The following KDM7A variants were observed in gnomAD, a reference collection of about 807,000 sequenced individuals.
The protein encoded by KDM7A is lysine-specific demethylase 7A.
KDM7A carries 28 observed loss-of-function variants against 114.8 expected under a neutral mutation model. The ratio of observed to expected loss-of-function variants is 0.24; its 90% CI spans 0.18 to 0.33. The LOEUF (loss-of-function observed/expected upper bound fraction) is 0.33. Ranked by LOEUF, KDM7A falls within the 10% of genes least tolerant of loss-of-function variation. The pLI is 1.00. For missense variants in KDM7A, 942 were observed against 1,142.5 expected, an observed-to-expected ratio of 0.82 and a Z score of 2.53; for synonymous variants, 423 against 397.8, an observed-to-expected ratio of 1.06 and a Z score of -0.75.
intron 12 of KDM7A, 39 bp from the exon 13 acceptor site, chr7:140,100,062 T>C: frequency 1.2e-6 from 2 of 1,611,812 alleles, no homozygotes; most frequent in Non-Finnish European, 1.7e-6. Flanking sequence ...CCATCCACCC[T>C]CAGGTAGCCC....
At chr7:140,145,536 A>G (rs1410267910) in intron 1 of KDM7A, among the ~76,000 whole-genome samples, 1 of 152,238 alleles carries the variant, frequency 6.6e-6, no homozygotes, top group African/African-American at 2.4e-5. Flanking sequence ...CAACAAAAAG[A>G]TCACTGCAGA....
At chr7:140,100,718 A>ATATATATATATATATATACACATATG (rs1562946083) in intron 12 of KDM7A, among the ~76,000 whole-genome samples, 5 of 37,726 alleles carry the variant, frequency 1.3e-4, no homozygotes, top group African/African-American at 3.3e-4. Flanking sequence ...ACACATATAT[A>ATATATATATATATATATACACATATG]TATATATATA....
chr7:140,099,079 T>G, intron 13 of KDM7A, 46 bp from the exon 14 acceptor site: 1 of 1,417,928 alleles, frequency 7.1e-7, no homozygotes, highest in Non-Finnish European at 9.8e-7. Context: ...CAAGACTCTG[T>G]AGCCAAACAG....
chr7:140,088,334 C>T lies in KDM7A; in HGVS notation c.*2760G>A, dbSNP rs1453310179. 1.5e-5 allele frequency: 6 copies of T among 391,990 alleles called. No individual in the cohort carries two copies. Among genetic ancestry groups the T allele is most frequent in the Non-Finnish European group, 2.3e-5 (5 of 222,208 alleles). The allele number at this position is 391,990 out of a possible 1,614,324, so 24.3% of individuals were successfully genotyped here. ...TATAATCCAATGGATCCCAGCTGAA[C>T]AGTCACTTATTTGAAACAATACAGG... is the stretch of plus-strand genomic sequence containing the variant. On this transcript the variant is annotated 3_prime_UTR_variant, in exon 20 of 20. Coordinates refer to ENST00000397560, the MANE Select transcript of KDM7A (RefSeq NM_030647.2).
chr7:140,150,012 T>C (rs1794382079), intron 1 of KDM7A, among the ~76,000 whole-genome samples: 1 of 152,184 alleles, frequency 6.6e-6, no homozygotes, highest in African/African-American at 2.4e-5. Flanking sequence ...GAAAAATGAT[T>C]CCTTTGGCAG....
intron 1 of KDM7A, among the ~76,000 whole-genome samples, chr7:140,153,967 C>T (rs557215431): frequency 2.6e-5 from 4 of 152,100 alleles, no homozygotes; most frequent in Non-Finnish European, 5.9e-5. Flanking sequence ...CTCCTGTCTG[C>T]GTGTAAACTG....
chr7:140,105,755 T>G (rs1190904742), intron 11 of KDM7A, among the ~76,000 whole-genome samples: 1 of 152,210 alleles, frequency 6.6e-6, no homozygotes, highest in Non-Finnish European at 1.5e-5. Flanking sequence ...ATTCTCTTTT[T>G]TTGTTGCGCC....
chr7:140,140,558 G>A (rs1461335206), intron 1 of KDM7A, among the ~76,000 whole-genome samples: 3 of 151,916 alleles, frequency 2.0e-5, no homozygotes, highest in Non-Finnish European at 2.9e-5. Context: ...GGTGGATCAC[G>A]AGATCAGGAG....
intron 7 of KDM7A, among the ~76,000 whole-genome samples, chr7:140,124,069 CAAAA>C (rs71170945): frequency 4.4e-5 from 5 of 112,676 alleles, no homozygotes; most frequent in Admixed American, 9.6e-5. Context: ...GACTCTGTCT[CAAAA>C]AAAAAAAAAA....
At chr7:140,174,837 G>A (rs1794684189) in intron 1 of KDM7A, among the ~76,000 whole-genome samples, 2 of 152,142 alleles carry the variant, frequency 1.3e-5, no homozygotes, top group South Asian at 4.1e-4. Flanking sequence ...GGATGGTCTC[G>A]ATCTCTTTAC....
At chr7:140,156,804 A>T (rs1794462634) in intron 1 of KDM7A, among the ~76,000 whole-genome samples, 1 of 152,234 alleles carries the variant, frequency 6.6e-6, no homozygotes, top group East Asian at 1.9e-4. Flanking sequence ...TCACAGAGAC[A>T]GAGACAGAGA....
chr7:140,133,684 T>A (rs1317471361), intron 2 of KDM7A, 28 bp from the exon 3 acceptor site: 2 of 1,297,700 alleles, frequency 1.5e-6, no homozygotes, highest in South Asian at 1.2e-5. Flanking sequence ...TAAAAAAAAA[T>A]GATTTTGGTA....
chr7:140,119,782 C>G (rs1818589989), intron 8 of KDM7A, among the ~76,000 whole-genome samples: 2 of 152,208 alleles, frequency 1.3e-5, no homozygotes, highest in Admixed American at 6.5e-5. Flanking sequence ...ACGCCACACA[C>G]AGATGCATAG....
intron 11 of KDM7A, among the ~76,000 whole-genome samples, chr7:140,103,914 TAC>T (rs1439769864): frequency 6.6e-6 from 1 of 152,240 alleles, no homozygotes; most frequent in Non-Finnish European, 1.5e-5. Context: ...TGAACTAGTT[TAC>T]AGTCACAACA....
chr7:140,153,413 G>C (rs1319758369), intron 1 of KDM7A, among the ~76,000 whole-genome samples: 1 of 151,642 alleles, frequency 6.6e-6, no homozygotes, highest in Non-Finnish European at 1.5e-5. Context: ...GTGAACCCAG[G>C]AGACGGAGCT....
At chr7:140,139,645 G>A (rs1464358884) in intron 1 of KDM7A, among the ~76,000 whole-genome samples, 2 of 152,176 alleles carry the variant, frequency 1.3e-5, no homozygotes, top group South Asian at 2.1e-4. Context: ...AATGAGCTAT[G>A]TATCTACCTC....
chr7:140,154,307 ACCC>A (rs755364428), intron 1 of KDM7A, among the ~76,000 whole-genome samples: 1 of 148,566 alleles, frequency 6.7e-6, no homozygotes, highest in Non-Finnish European at 1.5e-5. Flanking sequence ...GCATAATGAG[ACCC>A]CCGTCACTAC....
At chr7:140,118,873 G>A (rs1185701882) in intron 9 of KDM7A, among the ~76,000 whole-genome samples, 2 of 152,108 alleles carry the variant, frequency 1.3e-5, no homozygotes, top group African/African-American at 4.8e-5. Flanking sequence ...TATTACCTAC[G>A]TTGTTCTGAT....
chr7:140,163,012 T>G (rs76676884), intron 1 of KDM7A, among the ~76,000 whole-genome samples: 1 of 150,028 alleles, frequency 6.7e-6, no homozygotes, highest in African/African-American at 2.4e-5. Flanking sequence ...TTTTTTTTTT[T>G]GAGACAATGT....
Sources: gnomAD v4.1 joint callset for allele counts (sites outside exome capture counted in the v4.1 genomes callset) on GRCh38, gnomAD v4.1.1 for gene constraint, MANE v1.5 for transcripts, NCBI Gene and HGNC (gene_info 2026-07-23, HGNC 2026-07-21) for gene names.